Variants in WDR26 observed in about 807,000 individuals in gnomAD.
WDR26 encodes WD repeat domain 26, also known as WD repeat-containing protein 26.
WDR26 carries 5 observed loss-of-function variants against 84.1 expected under a neutral mutation model. The observed-to-expected ratio is 0.06, with a 90% CI of 0.03 to 0.13. The LOEUF (loss-of-function observed/expected upper bound fraction) is 0.13, where lower values mean the gene tolerates loss of function less well. Ranked by LOEUF, WDR26 falls within the 10% of genes least tolerant of loss-of-function variation. The pLI, the probability that WDR26 is intolerant of heterozygous loss-of-function variation, is 1.00. For missense variants in WDR26, 642 were observed against 974.9 expected (o/e 0.66, Z 4.55); for synonymous variants, 415 against 389.6 (o/e 1.07, Z -0.77).
chr1:224,398,911 C>T lies in WDR26; in HGVS notation c.1843G>A (p.Glu615Lys). The T allele has an allele frequency of 1.9e-6, 3 of 1,613,884 alleles. No individual in the cohort carries two copies. The highest frequency in any genetic ancestry group is 2.5e-6 in the Non-Finnish European group (3 of 1,179,930). The change falls in exon 10 of 14, where the codon GAG becomes AAG. Residue 615 changes from glutamate to lysine, a missense_variant. By Grantham distance (56) the Glu-to-Lys change is moderately conservative. Around this residue, in one of 2 missense-constraint regions of WDR26, gnomAD observed 351 missense variants for 672.8 expected, o/e 0.52. Coordinates refer to ENST00000414423, the MANE Select transcript of WDR26 (RefSeq NM_001379403.1). Reference sequence around the variant, plus strand: ...TACATGTTCCTATCTGTAAGGTCCTCGAAGTTATAGCCCCGAATTCGCTGG... The same window carrying T: ...TACATGTTCCTATCTGTAAGGTCCTTGAAGTTATAGCCCCGAATTCGCTGG...
At chr1:224,409,697 C>T (rs1273033324) in intron 7 of WDR26, among the ~76,000 whole-genome samples, 1 of 151,722 alleles carries the variant, frequency 6.6e-6, no homozygotes. Flanking sequence ...CCCGTCTCTA[C>T]TTCAAAAATG....
At chr1:224,419,416 A>G in intron 5 of WDR26, 102 bp downstream of exon 5, 1 of 920,518 alleles carries the variant, frequency 1.1e-6, no homozygotes, top group Non-Finnish European at 1.7e-6. Flanking sequence ...AGCACTCAAT[A>G]AAAGTATGTC....
chr1:224,400,995 C>T lies in WDR26; in HGVS notation c.1674G>A (p.Gly558=), dbSNP rs769303535. Reference sequence around the variant, plus strand: ...GCTGACCTCCAGTCACAAAGCGCTTCCCATCTGGATTCCAAGCCACACTTG... The same window carrying T: ...GCTGACCTCCAGTCACAAAGCGCTTTCCATCTGGATTCCAAGCCACACTTG... The change falls in exon 9 of 14, where the codon GGG becomes GGA. Residue 558 remains glycine (G), a synonymous_variant. Transcript: ENST00000414423. 4 of 1,614,130 alleles carry T rather than the reference C, an allele frequency of 2.5e-6. No homozygotes were observed. In the South Asian group the frequency reaches 4.4e-5, roughly 18 times the overall value.
At chr1:224,411,747 CTGTACTGT>C (rs1673745769) in intron 6 of WDR26, among the ~76,000 whole-genome samples, 182 bp from the exon 7 acceptor site, 1 of 150,242 alleles carries the variant, frequency 6.7e-6, no homozygotes, top group Non-Finnish European at 1.5e-5. Flanking sequence ...TGCCCAGGCT[CTGTACTGT>C]TGTACAGTAG....
At chr1:224,401,702 G>GAAAAAAAAAAAAAAAAAAGAAAA (rs5781368) in intron 8 of WDR26, among the ~76,000 whole-genome samples, 2 of 97,746 alleles carry the variant, frequency 2.0e-5, no homozygotes, top group East Asian at 2.8e-4. Flanking sequence ...AAAAAAAAAA[G>GAAAAAAAAAAAAAAAAAAGAAAA]AAAAAAGAAA....
intron 4 of WDR26, among the ~76,000 whole-genome samples, chr1:224,423,385 C>T (rs182478579): frequency 4.6e-5 from 7 of 152,294 alleles, no homozygotes; most frequent in Admixed American, 2.6e-4. Flanking sequence ...GCCCTTTATT[C>T]GGTCAAGGAA....
chr1:224,430,677 A>G (rs1674366681), intron 3 of WDR26: 1 of 152,196 alleles, frequency 6.6e-6, no homozygotes, highest in South Asian at 2.1e-4. Flanking sequence ...CAGACAGGAA[A>G]CTGCTTTTGA....
intron 8 of WDR26, among the ~76,000 whole-genome samples, chr1:224,404,168 C>T (rs1673492740): frequency 6.6e-6 from 1 of 152,072 alleles, no homozygotes; most frequent in Non-Finnish European, 1.5e-5. Context: ...TTCTGAAGAA[C>T]CACAGTAAAT....
At chr1:224,416,902 T>G (rs1673920776) in intron 6 of WDR26, among the ~76,000 whole-genome samples, 2 of 152,204 alleles carry the variant, frequency 1.3e-5, no homozygotes, top group Admixed American at 6.5e-5. Context: ...TACAAAAAGA[T>G]TTTTAAATCC....
rs1434218128 is a variant in WDR26, at chr1:224,403,891, T to C, written c.1599+539A>G. ...GGTGGAGGCTGCAGTGAGCCGAGAT[T>C]GCGCCACCGCACTCCAGCCTGGGCG... On this transcript the variant is annotated intron_variant, in intron 8 of 13. Coordinates refer to ENST00000414423, the MANE Select transcript of WDR26 (RefSeq NM_001379403.1). Among the ~76,000 whole-genome samples the C allele has an allele frequency of 4.6e-5, 7 of 152,076 alleles. No homozygotes were observed. The East Asian group carries it at 1.2e-3, about 25-fold the overall frequency.
chr1:224,420,840 C>T (rs1057512115), intron 4 of WDR26, among the ~76,000 whole-genome samples: 12 of 152,038 alleles, frequency 7.9e-5, no homozygotes, highest in African/African-American at 1.4e-4. Context: ...CCTCGTGATC[C>T]GCCCGCCTCG....
intron 3 of WDR26, among the ~76,000 whole-genome samples, chr1:224,425,574 C>T (rs1033227298): frequency 5.9e-5 from 9 of 152,172 alleles, no homozygotes; most frequent in African/African-American, 1.4e-4. Flanking sequence ...CTTGAAACCA[C>T]GTGGTCACAA....
intron 13 of WDR26, among the ~76,000 whole-genome samples, chr1:224,390,931 A>G (rs1673106179): frequency 6.6e-6 from 1 of 152,134 alleles, no homozygotes; most frequent in Non-Finnish European, 1.5e-5. Context: ...CACTATATCT[A>G]TGTTGTCTAT....
At chr1:224,421,455 T>C (rs915314184) in intron 4 of WDR26, among the ~76,000 whole-genome samples, 1 of 152,094 alleles carries the variant, frequency 6.6e-6, no homozygotes, top group Admixed American at 6.5e-5. Context: ...CTGGGCGTGG[T>C]GGTGCATGCC....
In WDR26 at chr1:224,434,737, C is replaced by T. The variant is rs973181134; in HGVS notation, c.-332G>A. 4 of 986,488 alleles carry T rather than the reference C, an allele frequency of 4.1e-6. No homozygotes were observed. In the African/African-American group the frequency reaches 7.0e-5, roughly 17 times the overall value. 61.1% of individuals were successfully genotyped at this position (986,488 alleles called of 1,614,324 possible). A position where few individuals can be genotyped will look rare whatever the true frequency, so the allele number is the denominator to read the frequency against. On this transcript the variant is annotated 5_prime_UTR_variant, in exon 1 of 14. Transcript: ENST00000414423. ...CAGCGGAGGCAGCTGCCGCCTCTGT[C>T]CTCGGATCCGCTCCGCTCTGCTCCC...
intron 9 of WDR26, among the ~76,000 whole-genome samples, chr1:224,400,241 C>A (rs1421977433): frequency 6.6e-6 from 1 of 151,204 alleles, no homozygotes; most frequent in Non-Finnish European, 1.5e-5. Context: ...GCACCTGTCA[C>A]CACTTTTATT....
At chr1:224,393,803 T>C (rs773277671) in intron 13 of WDR26, 25 bp downstream of exon 13, 3 of 1,484,694 alleles carry the variant, frequency 2.0e-6, no homozygotes, top group Non-Finnish European at 2.7e-6. Flanking sequence ...GGACAAAACA[T>C]AGTAACATTA....
At chr1:224,396,790 C>G (rs1366928073) in intron 12 of WDR26, among the ~76,000 whole-genome samples, 1 of 152,096 alleles carries the variant, frequency 6.6e-6, no homozygotes, top group African/African-American at 2.4e-5. Flanking sequence ...GAAACCCCAT[C>G]TCTACAAAAA....
chr1:224,424,461 A>G (rs973212834), intron 4 of WDR26, 57 bp downstream of exon 4: 3 of 1,575,686 alleles, frequency 1.9e-6, no homozygotes, highest in African/African-American at 1.4e-5. Flanking sequence ...GAAAAATGTT[A>G]AAGAAATATA....
Sources: gnomAD v4.1 joint callset for allele counts (sites outside exome capture counted in the v4.1 genomes callset) on GRCh38, gnomAD v4.1.1 for gene constraint, gnomAD v4.1.1 regional missense constraint, MANE v1.5 for transcripts, NCBI Gene and HGNC (gene_info 2026-07-23, HGNC 2026-07-21) for gene names.